KCNIP3: variants seen among roughly 807,000 people sequenced by gnomAD.
The protein encoded by KCNIP3 is potassium voltage-gated channel interacting protein 3.
A neutral mutation model predicts 35.0 loss-of-function variants in KCNIP3; 28 were observed. The observed-to-expected ratio is 0.80, with a 90% CI of 0.59 to 1.10. KCNIP3 has a LOEUF of 1.10. Among genes scored for constraint, KCNIP3 ranks in the 50% least tolerant of loss-of-function variants. The pLI, the probability that KCNIP3 is intolerant of heterozygous loss-of-function variation, is 0.00. For synonymous variants in KCNIP3, 134 were observed against 133.8 expected, an observed-to-expected ratio of 1.00 and a Z score of -0.01; for missense variants, 295 against 338.4, an observed-to-expected ratio of 0.87 and a Z score of 1.01.
At chr2:95,305,729 A>G (rs1040213121) in intron 1 of KCNIP3, among the ~76,000 whole-genome samples, 3 of 152,212 alleles carry the variant, frequency 2.0e-5, no homozygotes, top group African/African-American at 7.2e-5. Context: ...TTACAATGTT[A>G]TATAAATAGA....
rs763659325 is a variant in KCNIP3, at chr2:95,382,512, G to A, written c.660+31G>A. On this transcript the variant is annotated intron_variant, in intron 7 of 8. Transcript: ENST00000295225. The surrounding 1 kb of genome is among the most constrained non-coding windows in gnomAD (Gnocchi z 4.5). ...CGAGCGCCAGCCCTGCCTAGGGAGGGGAGCCTGGCAGAGGAAGGGGCTCTC... is the reference window on the plus strand; with the variant it reads ...CGAGCGCCAGCCCTGCCTAGGGAGGAGAGCCTGGCAGAGGAAGGGGCTCTC... 2 of 1,521,080 alleles carry A rather than the reference G, an allele frequency of 1.3e-6. No individual in the cohort carries two copies. The highest frequency in any genetic ancestry group is 1.8e-6 in the Non-Finnish European group (2 of 1,119,152). 94.2% of individuals were successfully genotyped at this position (1,521,080 alleles called of 1,614,324 possible).
chr2:95,356,259 G>A (rs192394018), intron 2 of KCNIP3, among the ~76,000 whole-genome samples: 23 of 152,120 alleles, frequency 1.5e-4, no homozygotes, highest in African/African-American at 5.1e-4. Flanking sequence ...CCCTTTGCCC[G>A]ATGGGTAGAT....
At chr2:95,337,183 C>G (rs1679081281) in intron 2 of KCNIP3, among the ~76,000 whole-genome samples, 1 of 152,132 alleles carries the variant, frequency 6.6e-6, no homozygotes, top group African/African-American at 2.4e-5. Context: ...GTATGCCCAG[C>G]ATTTTGGAGA....
rs1222178936 is a variant in KCNIP3 at position 95,378,118 on chromosome 2, G to A, written c.447+2910G>A. ...TTGGGCATAGTAGAAATATAACAAT[G>A]TTTCTCCTTGTTTTTTAATTTTTAT... On this transcript the variant is annotated intron_variant, in intron 5 of 8. Transcript: ENST00000295225. This position sits in a 1 kb window ranked among gnomAD's most constrained non-coding sequence, Gnocchi z 4.0. Among the ~76,000 whole-genome samples, 2 of 152,052 alleles carry A rather than the reference G, an allele frequency of 1.3e-5. No individual in the cohort carries two copies. Among genetic ancestry groups the A allele is most frequent in the African/African-American group, 4.8e-5 (2 of 41,408 alleles).
intron 2 of KCNIP3, among the ~76,000 whole-genome samples, chr2:95,373,262 A>G (rs1680081500): frequency 1.3e-5 from 2 of 152,212 alleles, no homozygotes; most frequent in African/African-American, 4.8e-5. Flanking sequence ...GTGCTGTTTC[A>G]GCCCTAGCTT....
intron 2 of KCNIP3, among the ~76,000 whole-genome samples, chr2:95,358,004 G>T (rs6708977): frequency 0.029 from 4,380 of 152,302 alleles, 230 homozygotes; most frequent in African/African-American, 0.1. Flanking sequence ...GAGTACTGGT[G>T]GGGGGAGCAT....
chr2:95,329,791 G>A (rs764692074), intron 2 of KCNIP3, among the ~76,000 whole-genome samples: 44 of 152,330 alleles, frequency 2.9e-4, no homozygotes, highest in Admixed American at 7.2e-4. Flanking sequence ...GCCATTGATC[G>A]CCTTCGATCC....
intron 2 of KCNIP3, among the ~76,000 whole-genome samples, chr2:95,336,424 C>A (rs937880083): frequency 6.6e-6 from 1 of 152,232 alleles, no homozygotes; most frequent in Non-Finnish European, 1.5e-5. Context: ...TAAACTACAT[C>A]TTTTCATTTA....
chr2:95,318,974 C>G (rs149132121), intron 2 of KCNIP3, among the ~76,000 whole-genome samples: 1 of 152,206 alleles, frequency 6.6e-6, no homozygotes, highest in Admixed American at 6.5e-5. Context: ...CTGCAGCCGC[C>G]GGCAGGGCTG....
At chr2:95,369,815 G>A (rs1023251021) in intron 2 of KCNIP3, among the ~76,000 whole-genome samples, 8 of 151,996 alleles carry the variant, frequency 5.3e-5, no homozygotes, top group Admixed American at 2.0e-4. Flanking sequence ...GTAGAGACAG[G>A]GTCTTGCTAT....
intron 2 of KCNIP3, among the ~76,000 whole-genome samples, chr2:95,366,150 G>C (rs187675399): frequency 4.3e-4 from 66 of 152,162 alleles, no homozygotes; most frequent in Non-Finnish European, 7.1e-4. Flanking sequence ...CGGGCACCTG[G>C]CGATATAGAA....
intron 2 of KCNIP3, among the ~76,000 whole-genome samples, chr2:95,320,749 G>A (rs1315286853): frequency 6.6e-6 from 1 of 151,830 alleles, no homozygotes; most frequent in Non-Finnish European, 1.5e-5. Context: ...CCAAACTCCA[G>A]GGGACACATT....
chr2:95,326,289 A>G (rs1045628549), intron 2 of KCNIP3, among the ~76,000 whole-genome samples: 1 of 151,608 alleles, frequency 6.6e-6, no homozygotes, highest in Admixed American at 6.6e-5. Flanking sequence ...ACACATACAC[A>G]CTCATTACAC....
At chr2:95,375,960 A>G (rs1680174797) in intron 5 of KCNIP3, among the ~76,000 whole-genome samples, 1 of 152,260 alleles carries the variant, frequency 6.6e-6, no homozygotes, top group Non-Finnish European at 1.5e-5. Context: ...ACAGAGAAGC[A>G]CATGGGGCCA....
chr2:95,331,184 G>A (rs1397161061), intron 2 of KCNIP3, among the ~76,000 whole-genome samples: 4 of 152,172 alleles, frequency 2.6e-5, no homozygotes, highest in African/African-American at 4.8e-5. Context: ...GGGTGGCAGC[G>A]GAGGCGGGAG....
chr2:95,342,152 C>T (rs1679209308), intron 2 of KCNIP3, among the ~76,000 whole-genome samples: 1 of 152,092 alleles, frequency 6.6e-6, no homozygotes, highest in South Asian at 2.1e-4. Flanking sequence ...GCGAGTGTGA[C>T]CACAGCCACA....
At chr2:95,300,358 G>T (rs1470920136) in intron 1 of KCNIP3, among the ~76,000 whole-genome samples, 1 of 152,214 alleles carries the variant, frequency 6.6e-6, no homozygotes, top group Non-Finnish European at 1.5e-5. Flanking sequence ...TCTGTGTGAG[G>T]CAGGGAACTG....
chr2:95,317,695 G>A (rs1224334551), intron 2 of KCNIP3, among the ~76,000 whole-genome samples: 2 of 152,174 alleles, frequency 1.3e-5, no homozygotes, highest in Non-Finnish European at 2.9e-5. Context: ...CCAGGAGTGG[G>A]GAGTCCTAGA....
intron 1 of KCNIP3, among the ~76,000 whole-genome samples, chr2:95,298,488 C>T (rs1363124512): frequency 6.6e-6 from 1 of 152,102 alleles, no homozygotes; most frequent in Non-Finnish European, 1.5e-5. Flanking sequence ...GCAAAAGGAC[C>T]CAGAGACAAT....
Sources: gnomAD v4.1 joint callset for allele counts (sites outside exome capture counted in the v4.1 genomes callset) on GRCh38, gnomAD v4.1.1 for gene constraint, Gnocchi (gnomAD v3.1) non-coding constraint, MANE v1.5 for transcripts, NCBI Gene and HGNC (gene_info 2026-07-23, HGNC 2026-07-21) for gene names.